The following IARS1 variants were observed in gnomAD, a reference collection of about 807,000 sequenced individuals.
IARS1 encodes the protein isoleucine--tRNA ligase, cytoplasmic.
In IARS1, 124 loss-of-function variants were observed where a neutral mutation model predicts 168.2. That is an observed-to-expected ratio of 0.74 (90% CI 0.64 to 0.86). The LOEUF is 0.86. Among genes scored for constraint, IARS1 ranks in the 40% least tolerant of loss-of-function variants. The probability of loss-of-function intolerance (pLI) is 0.00; values close to 1 mark genes in which losing one functional copy is unlikely to be tolerated. For synonymous variants in IARS1, 532 were observed against 529.4 expected (o/e 1.00, Z -0.07); for missense variants, 1,452 against 1,515.8 (o/e 0.96, Z 0.70).
intron 29 of IARS1, 98 bp downstream of exon 29, chr9:92,242,056 C>T (rs371193586): frequency 8.9e-6 from 8 of 894,166 alleles, no homozygotes; most frequent in Admixed American, 6.0e-5. Context: ...AGTGCTGTGC[C>T]GATCTCTACT....
intron 30 of IARS1, among the ~76,000 whole-genome samples, chr9:92,229,763 AT>A (rs1429704798): frequency 6.6e-6 from 1 of 152,182 alleles, no homozygotes; most frequent in Non-Finnish European, 1.5e-5. Flanking sequence ...CACAACCAGC[AT>A]ATTGACACTG....
intron 29 of IARS1, among the ~76,000 whole-genome samples, chr9:92,241,464 G>A (rs916917617): frequency 6.6e-6 from 1 of 152,050 alleles, no homozygotes; most frequent in East Asian, 1.9e-4. Context: ...TTCTGCCTCA[G>A]CCTCCCGAGT....
rs1268813034 is a variant in IARS1, at chr9:92,262,719, TAA to T, written c.1787+248_1787+249del. 2.6e-5 allele frequency among the ~76,000 whole-genome samples: 4 copies of T among 152,320 alleles called. No homozygotes were observed. In the East Asian group the frequency reaches 7.7e-4, roughly 29 times the overall value. On this transcript the variant is annotated intron_variant, in intron 17 of 33. Transcript: ENST00000443024. Reference sequence around the variant, plus strand: ...TAAGCAAAAGTATTTCATAAAGTGCTAAGTTTAGTAAATGCTATTTTATTACT... The same window carrying T: ...TAAGCAAAAGTATTTCATAAAGTGCTGTTTAGTAAATGCTATTTTATTACT...
chr9:92,289,574 A>G (rs1361956952), intron 1 of IARS1, 148 bp from the exon 2 acceptor site: 1 of 589,670 alleles, frequency 1.7e-6, no homozygotes, highest in East Asian at 2.9e-5. Flanking sequence ...TGTAATGTAA[A>G]AAGTGTACAA....
chr9:92,276,973 C>T (rs1833860715), intron 9 of IARS1, among the ~76,000 whole-genome samples: 1 of 152,158 alleles, frequency 6.6e-6, no homozygotes, highest in South Asian at 2.1e-4. Context: ...AAAACACCTG[C>T]CTCATTAACC....
intron 6 of IARS1, among the ~76,000 whole-genome samples, chr9:92,284,454 G>A (rs1419371091): frequency 6.6e-6 from 1 of 152,132 alleles, no homozygotes; most frequent in Non-Finnish European, 1.5e-5. Context: ...GTTTACTTTT[G>A]CATGTCCCTG....
At chr9:92,270,109 T>C in intron 12 of IARS1, 126 bp from the exon 13 acceptor site, 2 of 573,222 alleles carry the variant, frequency 3.5e-6, no homozygotes, top group South Asian at 4.6e-5. Context: ...TATTCATTTT[T>C]ATTATAGATA....
At chr9:92,225,226 C>T (rs532060882) in intron 31 of IARS1, among the ~76,000 whole-genome samples, 2 of 152,302 alleles carry the variant, frequency 1.3e-5, no homozygotes, top group South Asian at 4.1e-4. Flanking sequence ...TCTGGCAAAC[C>T]CACCATCCAT....
At chr9:92,246,053 G>A (rs1223752599) in intron 26 of IARS1, among the ~76,000 whole-genome samples, 1 of 152,126 alleles carries the variant, frequency 6.6e-6, no homozygotes, top group Non-Finnish European at 1.5e-5. Flanking sequence ...TGGGATTACA[G>A]GCATGAGTCA....
intron 25 of IARS1, among the ~76,000 whole-genome samples, chr9:92,249,358 C>T (rs948551439): frequency 3.3e-5 from 5 of 152,124 alleles, no homozygotes; most frequent in African/African-American, 1.2e-4. Context: ...TTGAGACCAA[C>T]CTGGCCAACA....
rs571672177 is a variant in IARS1, at chr9:92,265,664, C to T, written c.1432-111G>A. On this transcript the variant is annotated intron_variant, in intron 14 of 33. Coordinates refer to ENST00000443024, the MANE Select transcript of IARS1 (RefSeq NM_002161.6). Reference sequence around the variant, plus strand: ...TTGAGAGACTGATGATTTTCTTTTTCCTTTTTTTTTGAGATAGGGTCTCAC... The same window carrying T: ...TTGAGAGACTGATGATTTTCTTTTTTCTTTTTTTTTGAGATAGGGTCTCAC... The T allele has an allele frequency of 2.8e-5, 26 of 926,982 alleles. No individual in the cohort carries two copies. In the African/African-American group the frequency reaches 3.3e-4, roughly 12 times the overall value. The allele number at this position is 926,982 out of a possible 1,614,324, so 57.4% of individuals were successfully genotyped here. A position where few individuals can be genotyped will look rare whatever the true frequency, so the allele number is the denominator to read the frequency against.
intron 33 of IARS1, among the ~76,000 whole-genome samples, chr9:92,212,862 A>G (rs1837986258): frequency 6.6e-6 from 1 of 152,174 alleles, no homozygotes; most frequent in African/African-American, 2.4e-5. Flanking sequence ...ATTCTGAGGC[A>G]TAAGAGAATA....
At chr9:92,293,469 T>C (rs1836726644) in intron 1 of IARS1, 142 bp downstream of exon 1, 5 of 531,730 alleles carry the variant, frequency 9.4e-6, no homozygotes, top group Non-Finnish European at 1.9e-5. Flanking sequence ...CATAAATTCC[T>C]GAGGCTGGAA....
Position 92,253,412 on chromosome 9 carries a change from C to T in IARS1, c.2179G>A (p.Val727Ile). 1 of 1,613,894 alleles carries T rather than the reference C, an allele frequency of 6.2e-7. No individual in the cohort carries two copies. Among genetic ancestry groups the T allele is most frequent in the Non-Finnish European group, 8.5e-7 (1 of 1,179,818 alleles). ...YTVVPRLVKFVDILTNWYVRM... is the reference protein window; with the variant it reads ...YTVVPRLVKFIDILTNWYVRM... The stretch of plus-strand genomic sequence containing the variant: ...ACATACCAATTGGTCAGAATATCTA[C>T]AAACTTGACCAGGCGAGGCACCACA... The change falls in exon 21 of 34, where the codon GTA becomes ATA. Residue 727 changes from valine (V) to isoleucine (I), a missense_variant. Transcript: ENST00000443024.
At chr9:92,268,120 A>G (rs1832539942) in intron 14 of IARS1, 54 bp downstream of exon 14, 1 of 1,512,826 alleles carries the variant, frequency 6.6e-7, no homozygotes, top group Admixed American at 2.6e-5. Flanking sequence ...TTCAGATTTC[A>G]TGAACAAAAT....
intron 18 of IARS1, among the ~76,000 whole-genome samples, chr9:92,259,799 A>C (rs558688067): frequency 6.6e-6 from 1 of 152,302 alleles, no homozygotes; most frequent in South Asian, 2.1e-4. Flanking sequence ...GTAAGTACAA[A>C]ATTAAAACAA....
intron 17 of IARS1, among the ~76,000 whole-genome samples, chr9:92,260,717 CT>C (rs1554727880): frequency 1.1e-4 from 17 of 152,126 alleles, no homozygotes; most frequent in Non-Finnish European, 1.5e-5. Context: ...TTGCAAACTT[CT>C]TTTTGAATAT....
chr9:92,275,532 T>C (rs1413076108), intron 9 of IARS1, among the ~76,000 whole-genome samples: 1 of 152,220 alleles, frequency 6.6e-6, no homozygotes, highest in Non-Finnish European at 1.5e-5. Flanking sequence ...TATAGTATGA[T>C]AGGTGCTAAA....
At chr9:92,288,008 T>A in intron 3 of IARS1, 98 bp from the exon 4 acceptor site, 1 of 1,543,110 alleles carries the variant, frequency 6.5e-7, no homozygotes, top group Non-Finnish European at 8.9e-7. Flanking sequence ...ACAAATATTA[T>A]AGAAATGAAC....
Sources: gnomAD v4.1 joint callset for allele counts (sites outside exome capture counted in the v4.1 genomes callset) on GRCh38, gnomAD v4.1.1 for gene constraint, MANE v1.5 for transcripts, NCBI Gene and HGNC (gene_info 2026-07-23, HGNC 2026-07-21) for gene names.